Variants in CHSY3 observed in about 807,000 individuals in gnomAD.
CHSY3 encodes chondroitin sulfate synthase 3.
Under a neutral mutation model 67.2 loss-of-function variants are expected in CHSY3, and 35 were observed. That is an observed-to-expected ratio of 0.52 (90% CI 0.40 to 0.69). The LOEUF is 0.69. CHSY3 is among the 30% of genes least tolerant of loss of function. The probability of loss-of-function intolerance (pLI) is 0.00; values close to 1 mark genes in which losing one functional copy is unlikely to be tolerated. For missense variants in CHSY3, 1,069 were observed against 1,138.5 expected, an observed-to-expected ratio of 0.94 and a Z score of 0.88; for synonymous variants, 474 against 434.7, an observed-to-expected ratio of 1.09 and a Z score of -1.12.
intron 2 of CHSY3, among the ~76,000 whole-genome samples, chr5:130,171,716 G>A (rs980015151): frequency 1.3e-5 from 2 of 152,208 alleles, no homozygotes; most frequent in African/African-American, 2.4e-5. Flanking sequence ...CAGGAAAAAT[G>A]TGTCAGTTTT....
chr5:130,109,770 G>A (rs1032281817), intron 2 of CHSY3, among the ~76,000 whole-genome samples: 2 of 151,642 alleles, frequency 1.3e-5, no homozygotes, highest in African/African-American at 2.4e-5. Flanking sequence ...CATGGGGTTG[G>A]AATCTGACAA....
At chr5:130,041,513 C>T (rs933770684) in intron 2 of CHSY3, among the ~76,000 whole-genome samples, 8 of 152,140 alleles carry the variant, frequency 5.3e-5, no homozygotes, top group Middle Eastern at 3.4e-3. Flanking sequence ...GGAAGCCACA[C>T]GTTACTTAGG....
chr5:130,064,970 G>A (rs1333017270), intron 2 of CHSY3, among the ~76,000 whole-genome samples: 1 of 152,106 alleles, frequency 6.6e-6, no homozygotes, highest in Non-Finnish European at 1.5e-5. Context: ...GCACACATCA[G>A]TTTGCAAAAG....
At chr5:130,125,016 C>G (rs1768217905) in intron 2 of CHSY3, among the ~76,000 whole-genome samples, 2 of 152,170 alleles carry the variant, frequency 1.3e-5, no homozygotes, top group South Asian at 4.1e-4. Context: ...TATGATGGCT[C>G]ATGCCTGTAA....
At chr5:130,108,875 G>A (rs1428550256) in intron 2 of CHSY3, among the ~76,000 whole-genome samples, 2 of 151,566 alleles carry the variant, frequency 1.3e-5, no homozygotes, top group African/African-American at 2.4e-5. Context: ...TAGTCCTTTT[G>A]TATTGCATCT....
At chr5:129,953,349 T>C (rs1233256648) in intron 2 of CHSY3, among the ~76,000 whole-genome samples, 34 of 152,212 alleles carry the variant, frequency 2.2e-4, no homozygotes, top group Admixed American at 2.2e-3. Flanking sequence ...GTGGTGTATA[T>C]GAGCCACATT....
In CHSY3 at chr5:129,904,526, C is replaced by G. The variant is rs1236707690; in HGVS notation, c.-304C>G. ...CGCCGCCGCTGCTCCTCCTCCTCCT[C>G]CTGCAGCTCCTCCAGCTGCCGCTGC... On this transcript the variant is annotated 5_prime_UTR_variant, in exon 1 of 3. Transcript: ENST00000305031. The G allele has an allele frequency of 1.7e-5, 5 of 298,874 alleles. No individual in the cohort carries two copies. Among genetic ancestry groups the G allele is most frequent in the East Asian group, 1.3e-4 (2 of 15,306 alleles). 18.5% of individuals were successfully genotyped at this position (298,874 alleles called of 1,614,324 possible).
chr5:130,164,178 G>A (rs1364742542), intron 2 of CHSY3, among the ~76,000 whole-genome samples: 5 of 152,152 alleles, frequency 3.3e-5, no homozygotes, highest in Non-Finnish European at 1.5e-5. Flanking sequence ...CTCTCTATCT[G>A]TATTTCATTT....
At chr5:130,030,631 G>T (rs1389658837) in intron 2 of CHSY3, among the ~76,000 whole-genome samples, 2 of 152,064 alleles carry the variant, frequency 1.3e-5, no homozygotes, top group African/African-American at 4.8e-5. Flanking sequence ...TTGAAAAGTT[G>T]ATATGTAAAT....
Position 130,072,766 on chromosome 5 carries a change from CAAT to C in CHSY3, c.1087-111456_1087-111454del, listed in dbSNP as rs1766125333. On this transcript the variant is annotated intron_variant, in intron 2 of 2. Transcript: ENST00000305031. ...GCTTTGGGTGGTGTGGACATAGTAA[CAAT>C]AATAATTCTTCCAATCTGTAAACAT... is the stretch of plus-strand genomic sequence containing the variant. 3.3e-5 allele frequency among the ~76,000 whole-genome samples: 5 copies of C among 151,996 alleles called. No homozygotes were observed. In the South Asian group the frequency reaches 1.0e-3, roughly 32 times the overall value.
chr5:130,010,146 A>G (rs543715198), intron 2 of CHSY3, among the ~76,000 whole-genome samples: 38 of 152,280 alleles, frequency 2.5e-4, no homozygotes, highest in Non-Finnish European at 4.7e-4. Flanking sequence ...CCTAACATCC[A>G]CAGAACATTC....
At chr5:129,917,437 A>G (rs984371112) in intron 2 of CHSY3, among the ~76,000 whole-genome samples, 1 of 152,252 alleles carries the variant, frequency 6.6e-6, no homozygotes, top group Admixed American at 6.5e-5. Flanking sequence ...CAATGCAAAT[A>G]GCAGCATTCA....
intron 2 of CHSY3, among the ~76,000 whole-genome samples, chr5:130,013,432 G>A (rs954470958): frequency 8.5e-5 from 13 of 152,288 alleles, no homozygotes; most frequent in South Asian, 4.1e-4. Context: ...GGCTCTGCCC[G>A]TGCAGCAAGC....
At chr5:130,072,100 C>A (rs1007409139) in intron 2 of CHSY3, among the ~76,000 whole-genome samples, 4 of 151,808 alleles carry the variant, frequency 2.6e-5, no homozygotes, top group African/African-American at 9.7e-5. Context: ...TTTATATTAA[C>A]CCCTTATCAG....
intron 2 of CHSY3, among the ~76,000 whole-genome samples, chr5:129,940,017 G>A (rs1168023091): frequency 6.6e-6 from 1 of 152,052 alleles, no homozygotes; most frequent in Non-Finnish European, 1.5e-5. Flanking sequence ...TGATTATGCT[G>A]ATCAAATTAT....
intron 2 of CHSY3, among the ~76,000 whole-genome samples, chr5:130,147,901 C>T (rs1401548296): frequency 2.6e-5 from 4 of 152,130 alleles, no homozygotes; most frequent in Admixed American, 6.6e-5. Flanking sequence ...AGGTTTGTTA[C>T]ACAGGTAAAC....
intron 2 of CHSY3, among the ~76,000 whole-genome samples, chr5:129,928,887 A>G (rs1237158760): frequency 6.6e-6 from 1 of 152,154 alleles, no homozygotes; most frequent in African/African-American, 2.4e-5. Flanking sequence ...CTATGCCACA[A>G]ATGAGGGAAC....
chr5:130,072,530 A>G (rs1580705865), intron 2 of CHSY3, among the ~76,000 whole-genome samples: 1 of 152,066 alleles, frequency 6.6e-6, no homozygotes, highest in South Asian at 2.1e-4. Flanking sequence ...GTCTGTTTTT[A>G]TGCCAGTACC....
intron 2 of CHSY3, among the ~76,000 whole-genome samples, chr5:130,003,681 T>C (rs930742057): frequency 2.0e-5 from 3 of 152,106 alleles, no homozygotes. Flanking sequence ...ATAATCCCAA[T>C]GAATAAGAAG....
Sources: allele counts gnomAD v4.1 joint callset (sites outside exome capture counted in the v4.1 genomes callset), GRCh38; gene constraint gnomAD v4.1.1; transcripts MANE v1.5; gene names NCBI Gene and HGNC (gene_info 2026-07-23, HGNC 2026-07-21).